Variants in DACH1 observed in about 807,000 individuals in gnomAD.
The protein encoded by DACH1 is dachshund family transcription factor 1, also known as dachshund homolog 1.
A neutral mutation model predicts 54.2 loss-of-function variants in DACH1; 12 were observed. That is an observed-to-expected ratio of 0.22 (90% confidence interval 0.14 to 0.36). The LOEUF is 0.36. Among genes scored for constraint, DACH1 ranks in the 10% least tolerant of loss-of-function variants. The probability of loss-of-function intolerance (pLI) is 1.00; values close to 1 mark genes in which losing one functional copy is unlikely to be tolerated. For missense variants in DACH1, 805 were observed against 929.8 expected, an observed-to-expected ratio of 0.87 and a Z score of 1.75; for synonymous variants, 386 against 366.2, an observed-to-expected ratio of 1.05 and a Z score of -0.62.
chr13:71,613,404 C>T (rs912934006), intron 3 of DACH1, among the ~76,000 whole-genome samples: 2 of 152,248 alleles, frequency 1.3e-5, no homozygotes, highest in African/African-American at 4.8e-5. Flanking sequence ...ATTATCAGTG[C>T]AATGAAACGC....
At chr13:71,705,240 G>C (rs1805662776) in intron 1 of DACH1, among the ~76,000 whole-genome samples, 1 of 152,170 alleles carries the variant, frequency 6.6e-6, no homozygotes, top group African/African-American at 2.4e-5. Context: ...TTTTCCTCTA[G>C]TAATAATATT....
chr13:71,776,282 G>A (rs1164797755), intron 1 of DACH1, among the ~76,000 whole-genome samples: 1 of 152,048 alleles, frequency 6.6e-6, no homozygotes, highest in Admixed American at 6.6e-5. Flanking sequence ...ACTTTTTACT[G>A]CTATTTTTAG....
intron 3 of DACH1, among the ~76,000 whole-genome samples, chr13:71,592,388 G>T: frequency 6.7e-6 from 1 of 149,942 alleles, no homozygotes; most frequent in East Asian, 2.0e-4. Flanking sequence ...CCAGCTACTT[G>T]AGGTATTGAG....
intron 1 of DACH1, among the ~76,000 whole-genome samples, chr13:71,735,402 CGGGATATACACGTATAT>C (rs1214638183): frequency 3.0e-4 from 4 of 13,470 alleles, no homozygotes; most frequent in Admixed American, 2.0e-3. Flanking sequence ...TACACGTATA[CGGGATATACACGTATAT>C]GGGATATACA....
chr13:71,476,294 G>T (rs1350491010), intron 8 of DACH1, among the ~76,000 whole-genome samples: 1 of 152,094 alleles, frequency 6.6e-6, no homozygotes, highest in African/African-American at 2.4e-5. Flanking sequence ...CCAGCAAATG[G>T]AGCATCTCCC....
intron 10 of DACH1, among the ~76,000 whole-genome samples, chr13:71,447,048 G>A (rs1352153264): frequency 6.6e-6 from 1 of 152,116 alleles, no homozygotes; most frequent in African/African-American, 2.4e-5. Flanking sequence ...ATTGTGATTT[G>A]ATGCTTACAG....
At chr13:71,562,378 A>G (rs1308314858) in intron 4 of DACH1, among the ~76,000 whole-genome samples, 3 of 152,158 alleles carry the variant, frequency 2.0e-5, no homozygotes, top group African/African-American at 7.2e-5. Context: ...AGAGAGAAAG[A>G]GAAAGAGACA....
At chr13:71,604,373 T>C (rs976430855) in intron 3 of DACH1, among the ~76,000 whole-genome samples, 1 of 151,870 alleles carries the variant, frequency 6.6e-6, no homozygotes, top group Non-Finnish European at 1.5e-5. Flanking sequence ...AAGCTAAATT[T>C]TTCAACTTTC....
At chr13:71,508,246 T>C (rs1880485899) in intron 6 of DACH1, among the ~76,000 whole-genome samples, 1 of 152,314 alleles carries the variant, frequency 6.6e-6, no homozygotes, top group African/African-American at 2.4e-5. Context: ...TCTAAATATC[T>C]TGTGATATAA....
intron 6 of DACH1, among the ~76,000 whole-genome samples, chr13:71,499,505 GT>G (rs1444303687): frequency 6.6e-6 from 1 of 152,070 alleles, no homozygotes; most frequent in Non-Finnish European, 1.5e-5. Context: ...TATAGAAACT[GT>G]TTTTGTTTTA....
intron 1 of DACH1, among the ~76,000 whole-genome samples, chr13:71,750,203 C>T (rs958456708): frequency 5.9e-5 from 9 of 152,162 alleles, no homozygotes; most frequent in Admixed American, 1.3e-4. Context: ...AACATCATCT[C>T]CTCTAGAAAA....
intron 1 of DACH1, among the ~76,000 whole-genome samples, chr13:71,815,579 A>C (rs994234413): frequency 2.3e-4 from 35 of 152,208 alleles, no homozygotes; most frequent in Non-Finnish European, 2.5e-4. Context: ...GTGATAAGGA[A>C]TATATGAACT....
At chr13:71,508,467 CT>C (rs111879521) in intron 6 of DACH1, among the ~76,000 whole-genome samples, 393 of 144,788 alleles carry the variant, frequency 2.7e-3, no homozygotes, top group African/African-American at 5.9e-3. Context: ...GTAAAAATTA[CT>C]TTTTTTTTTT....
Position 71,776,630 on chromosome 13 carries a change from A to T in DACH1, c.848+89292T>A, listed in dbSNP as rs986331387. Among the ~76,000 whole-genome samples, 4 of 152,156 alleles carry T rather than the reference A, an allele frequency of 2.6e-5. No individual in the cohort carries two copies. In the East Asian group the frequency reaches 7.7e-4, roughly 29 times the overall value. Reference sequence around the variant, plus strand: ...GATCATTTGCTTTCATTGAAAAGGTATCATTCATAAAGTCATGTGAAATAA... The same window carrying T: ...GATCATTTGCTTTCATTGAAAAGGTTTCATTCATAAAGTCATGTGAAATAA... On this transcript the variant is annotated intron_variant, in intron 1 of 10. Coordinates refer to ENST00000613252, the MANE Select transcript of DACH1 (RefSeq NM_080759.6).
intron 8 of DACH1, 53 bp from the exon 9 acceptor site, chr13:71,475,902 C>A: frequency 1.6e-6 from 2 of 1,270,166 alleles, no homozygotes; most frequent in Non-Finnish European, 1.0e-6. Flanking sequence ...TTTCATAATG[C>A]TGCTAATTTC....
intron 1 of DACH1, among the ~76,000 whole-genome samples, chr13:71,788,327 A>G (rs1463162741): frequency 6.6e-6 from 1 of 152,188 alleles, no homozygotes. Context: ...ACATTCAGTT[A>G]GTCTATAAAG....
At chr13:71,590,232 T>G (rs182818794) in intron 3 of DACH1, among the ~76,000 whole-genome samples, 15 of 152,216 alleles carry the variant, frequency 9.9e-5, no homozygotes, top group Non-Finnish European at 2.2e-4. Context: ...ATTAATATAA[T>G]TAAACCAAGT....
Position 71,492,839 on chromosome 13 carries a change from A to C in DACH1, c.1571-3691T>G, listed in dbSNP as rs182379994. On this transcript the variant is annotated intron_variant, in intron 6 of 10. Coordinates refer to ENST00000613252, the MANE Select transcript of DACH1 (RefSeq NM_080759.6). ...TTCCCCAATTAAGCCTTAAGATTTC[A>C]GTGTATATTTCTTAAGTACAAGGAC... Among the ~76,000 whole-genome samples the C allele has an allele frequency of 2.0e-5, 3 of 151,956 alleles. No individual in the cohort carries two copies. The East Asian group carries it at 5.8e-4, about 29-fold the overall frequency.
At chr13:71,456,569 A>C (rs1007756602) in intron 10 of DACH1, among the ~76,000 whole-genome samples, 1 of 151,988 alleles carries the variant, frequency 6.6e-6, no homozygotes, top group South Asian at 2.1e-4. Flanking sequence ...TTTTCCCACC[A>C]TAGGGACTCT....
Sources: allele counts gnomAD v4.1 joint callset (sites outside exome capture counted in the v4.1 genomes callset), GRCh38; gene constraint gnomAD v4.1.1; transcripts MANE v1.5; gene names NCBI Gene and HGNC (gene_info 2026-07-23, HGNC 2026-07-21).